Variants in KDM4C observed in about 807,000 individuals in gnomAD.
KDM4C encodes lysine demethylase 4C.
KDM4C carries 81 observed loss-of-function variants against 129.3 expected under a neutral mutation model. The ratio of observed to expected loss-of-function variants is 0.63; its 90% CI spans 0.52 to 0.75. The LOEUF (loss-of-function observed/expected upper bound fraction) is 0.75, where lower values mean the gene tolerates loss of function less well. Ranked by LOEUF, KDM4C falls within the 30% of genes least tolerant of loss-of-function variation. The pLI, the probability that KDM4C is intolerant of heterozygous loss-of-function variation, is 0.00. For missense variants in KDM4C, 1,457 were observed against 1,304.0 expected (o/e 1.12, Z -1.81); for synonymous variants, 573 against 456.1 (o/e 1.26, Z -3.26).
intron 15 of KDM4C, among the ~76,000 whole-genome samples, chr9:7,017,577 A>G (rs183339560): frequency 2.0e-5 from 3 of 152,292 alleles, no homozygotes; most frequent in Non-Finnish European, 4.4e-5. Context: ...CCATTTGATT[A>G]AGTTTTACCT....
chr9:6,790,726 G>C (rs1826414915), intron 1 of KDM4C, among the ~76,000 whole-genome samples: 1 of 146,754 alleles, frequency 6.8e-6, no homozygotes, highest in East Asian at 2.0e-4. Flanking sequence ...TGTGCTGTCA[G>C]ATGCCAGGTC....
chr9:7,098,991 A>G (rs1341146046), intron 17 of KDM4C, among the ~76,000 whole-genome samples: 1 of 152,228 alleles, frequency 6.6e-6, no homozygotes, highest in Non-Finnish European at 1.5e-5. Flanking sequence ...TGCCTGCAGC[A>G]ATAGTGATGT....
chr9:6,797,595 G>A (rs1006619158), intron 2 of KDM4C, among the ~76,000 whole-genome samples: 1 of 152,174 alleles, frequency 6.6e-6, no homozygotes, highest in South Asian at 2.1e-4. Flanking sequence ...TATATATGAA[G>A]TGGGTGAAAT....
rs964571616 is a variant in KDM4C at position 6,806,349 on chromosome 9, C to G, written c.320+575C>G. On this transcript the variant is annotated intron_variant, in intron 3 of 21. Coordinates refer to ENST00000381309, the MANE Select transcript of KDM4C (RefSeq NM_015061.6). ...GTCTCCACTAAAACTACAAAATTAA[C>G]CATGCGTGGTGGCACGTGCCTGTAA... Among the ~76,000 whole-genome samples, 27 of 151,958 alleles carry G rather than the reference C, an allele frequency of 1.8e-4. No individual in the cohort carries two copies. In the South Asian group the frequency reaches 2.3e-3, roughly 13 times the overall value.
At chr9:6,931,981 A>G (rs1015987271) in intron 8 of KDM4C, among the ~76,000 whole-genome samples, 3 of 152,224 alleles carry the variant, frequency 2.0e-5, no homozygotes, top group African/African-American at 7.2e-5. Flanking sequence ...TGCAGGGTAA[A>G]GAGAGGAGTG....
chr9:7,128,922 A>C (rs1256999654), intron 19 of KDM4C, among the ~76,000 whole-genome samples: 3 of 152,100 alleles, frequency 2.0e-5, no homozygotes, highest in African/African-American at 7.2e-5. Context: ...ACTTTGTTTC[A>C]GGGCTTGCTT....
intron 3 of KDM4C, among the ~76,000 whole-genome samples, chr9:6,807,107 C>A (rs1010194282): frequency 6.6e-6 from 1 of 151,940 alleles, no homozygotes; most frequent in African/African-American, 2.4e-5. Context: ...CCGGGCCGGT[C>A]TCCAGCCCCT....
chr9:7,114,907 C>G (rs1018040161), intron 18 of KDM4C, among the ~76,000 whole-genome samples: 2 of 152,032 alleles, frequency 1.3e-5, no homozygotes, highest in Non-Finnish European at 2.9e-5. Context: ...AACAAAAACC[C>G]ATCTCTACCA....
At chr9:6,854,539 A>AC (rs1363354429) in intron 5 of KDM4C, among the ~76,000 whole-genome samples, 1 of 145,868 alleles carries the variant, frequency 6.9e-6, no homozygotes, top group African/African-American at 2.7e-5. Context: ...AAAAAAAAAA[A>AC]AAAAAACAAA....
intron 4 of KDM4C, among the ~76,000 whole-genome samples, chr9:6,828,742 A>G (rs945231380): frequency 6.6e-6 from 1 of 152,068 alleles, no homozygotes; most frequent in African/African-American, 2.4e-5. Flanking sequence ...GTGGTGACAC[A>G]TGCCTGTAAT....
intron 8 of KDM4C, among the ~76,000 whole-genome samples, chr9:6,914,334 C>T (rs1240505799): frequency 6.6e-6 from 1 of 152,190 alleles, no homozygotes; most frequent in Non-Finnish European, 1.5e-5. Context: ...GCTGGGATTA[C>T]AGGCTGGGCT....
intron 19 of KDM4C, among the ~76,000 whole-genome samples, chr9:7,162,141 C>T (rs1843866443): frequency 6.6e-6 from 1 of 152,186 alleles, no homozygotes; most frequent in African/African-American, 2.4e-5. Flanking sequence ...GGATGAGAAT[C>T]GTGCCCCCTG....
intron 8 of KDM4C, 198 bp downstream of exon 8, chr9:6,893,430 T>C: frequency 2.4e-6 from 1 of 417,260 alleles, no homozygotes; most frequent in Non-Finnish European, 4.2e-6. Flanking sequence ...TTTGTCTGTT[T>C]TGAGATTAAT....
intron 2 of KDM4C, among the ~76,000 whole-genome samples, chr9:6,804,188 A>G (rs1293219536): frequency 6.6e-6 from 1 of 152,060 alleles, no homozygotes; most frequent in Non-Finnish European, 1.5e-5. Flanking sequence ...GTATCTTTTC[A>G]CTCTTAGTAA....
chr9:6,721,217 G>T, intron 1 of KDM4C: 1 of 218,730 alleles, frequency 4.6e-6, no homozygotes. Flanking sequence ...GGGATTACCA[G>T]TGCATGCCAC....
intron 1 of KDM4C, among the ~76,000 whole-genome samples, chr9:6,778,518 G>C (rs895989283): frequency 6.6e-6 from 1 of 151,006 alleles, no homozygotes; most frequent in East Asian, 2.0e-4. Context: ...TGTAATCCCA[G>C]CACTTTGGGA....
At chr9:7,043,978 G>A (rs891651785) in intron 15 of KDM4C, among the ~76,000 whole-genome samples, 6 of 151,668 alleles carry the variant, frequency 4.0e-5, no homozygotes, top group African/African-American at 1.2e-4. Flanking sequence ...TCATATTAAG[G>A]GTATACTCTC....
chr9:7,101,802 T>A (rs934910166), intron 17 of KDM4C, among the ~76,000 whole-genome samples: 2 of 150,394 alleles, frequency 1.3e-5, no homozygotes, highest in Non-Finnish European at 3.0e-5. Context: ...AAGACATAAT[T>A]TCACCTTTCA....
At chr9:6,980,213 G>A (rs1327043908) in intron 8 of KDM4C, among the ~76,000 whole-genome samples, 1 of 152,156 alleles carries the variant, frequency 6.6e-6, no homozygotes, top group Non-Finnish European at 1.5e-5. Context: ...AAAACTTTGT[G>A]TGAAGTCTTT....
Sources: gnomAD v4.1 joint callset for allele counts (sites outside exome capture counted in the v4.1 genomes callset) on GRCh38, gnomAD v4.1.1 for gene constraint, MANE v1.5 for transcripts, NCBI Gene and HGNC (gene_info 2026-07-23, HGNC 2026-07-21) for gene names.